Variants in SGCD observed in about 807,000 individuals in gnomAD.
SGCD encodes the protein delta-sarcoglycan.
A neutral mutation model predicts 36.6 loss-of-function variants in SGCD; 18 were observed. That is an observed-to-expected ratio of 0.49 (90% CI 0.34 to 0.73). The LOEUF is 0.73. Among genes scored for constraint, SGCD ranks in the 30% least tolerant of loss-of-function variants. The pLI is 0.01. For synonymous variants in SGCD, 133 were observed against 130.6 expected, an observed-to-expected ratio of 1.02 and a Z score of -0.12; for missense variants, 387 against 346.7, an observed-to-expected ratio of 1.12 and a Z score of -0.92.
chr5:156,343,698 T>C (rs185468278), intron 2 of SGCD, among the ~76,000 whole-genome samples: 154 of 152,344 alleles, frequency 1.0e-3, no homozygotes, highest in African/African-American at 3.5e-3. Context: ...TATAATATAT[T>C]GACAAATCCT....
intron 3 of SGCD, among the ~76,000 whole-genome samples, chr5:156,395,546 T>C (rs1320464560): frequency 6.8e-6 from 1 of 148,100 alleles, no homozygotes; most frequent in African/African-American, 2.4e-5. Flanking sequence ...GGAAGGTTGC[T>C]GCATTTTGTG....
the SGCD span, among the ~76,000 whole-genome samples, chr5:155,829,365 T>A: frequency 6.6e-6 from 1 of 152,164 alleles, no homozygotes; most frequent in East Asian, 1.9e-4. Flanking sequence ...TAAGATACCT[T>A]CTTTTGTGAA....
intron 7 of SGCD, among the ~76,000 whole-genome samples, chr5:156,688,616 C>T (rs1753995283): frequency 6.6e-6 from 1 of 152,138 alleles, no homozygotes; most frequent in Non-Finnish European, 1.5e-5. Flanking sequence ...ATCCTGGGAA[C>T]CAGCAGAGTC....
intron 4 of SGCD, among the ~76,000 whole-genome samples, chr5:156,515,128 T>C (rs974719384): frequency 1.3e-5 from 2 of 152,180 alleles, no homozygotes; most frequent in African/African-American, 4.8e-5. Context: ...TTAAAATTTT[T>C]CCTTTGCTGT....
At chr5:156,730,408 G>C (rs1293203374) in intron 7 of SGCD, among the ~76,000 whole-genome samples, 1 of 152,060 alleles carries the variant, frequency 6.6e-6, no homozygotes, top group Admixed American at 6.6e-5. Context: ...AGTGCATGTT[G>C]TTCCCCTGTA....
chr5:156,087,944 T>C (rs1274181610), intron 1 of SGCD, among the ~76,000 whole-genome samples: 1 of 152,198 alleles, frequency 6.6e-6, no homozygotes, highest in Admixed American at 6.5e-5. Flanking sequence ...CACTGTACAG[T>C]GTCCTGGCCA....
chr5:156,655,149 A>G (rs183595282), intron 7 of SGCD, among the ~76,000 whole-genome samples: 1 of 152,274 alleles, frequency 6.6e-6, no homozygotes, highest in Non-Finnish European at 1.5e-5. Flanking sequence ...AAAGACCACA[A>G]CTTATTTAGA....
chr5:156,323,446 A>AAAAGGATAATGTAGGAATC (rs1767724463), upstream of SGCD, among the ~76,000 whole-genome samples: 1 of 152,202 alleles, frequency 6.6e-6, no homozygotes, highest in African/African-American at 2.4e-5. Flanking sequence ...ATATCCTTTG[A>AAAAGGATAATGTAGGAATC]AAAGGATAAT....
chr5:156,013,333 T>C (rs2127571349), intron 1 of SGCD, among the ~76,000 whole-genome samples: 1 of 152,324 alleles, frequency 6.6e-6, no homozygotes, highest in East Asian at 1.9e-4. Flanking sequence ...CCTAGGTGTT[T>C]TTGAAGTGTT....
chr5:156,065,491 TG>T (rs1278888257), intron 1 of SGCD, among the ~76,000 whole-genome samples: 1 of 94,136 alleles, frequency 1.1e-5, no homozygotes. Context: ...TGGGTATCCT[TG>T]TTGACTTTCT....
the SGCD span, among the ~76,000 whole-genome samples, chr5:155,813,609 C>A: frequency 6.6e-6 from 1 of 152,270 alleles, no homozygotes; most frequent in Admixed American, 6.5e-5. Context: ...TTGAGTTTGG[C>A]ATCCTGCTTG....
intron 6 of SGCD, among the ~76,000 whole-genome samples, chr5:156,637,491 G>C (rs1255438578): frequency 6.6e-6 from 1 of 152,128 alleles, no homozygotes; most frequent in Non-Finnish European, 1.5e-5. Context: ...CTGATATTCA[G>C]ATAAAAACAC....
chr5:156,050,019 A>G (rs934693954), intron 1 of SGCD, among the ~76,000 whole-genome samples: 3 of 146,962 alleles, frequency 2.0e-5, no homozygotes, highest in African/African-American at 4.9e-5. Flanking sequence ...GATGCTATGA[A>G]CATTGTTGAA....
intron 1 of SGCD, among the ~76,000 whole-genome samples, chr5:155,979,293 A>G (rs1758180743): frequency 6.6e-6 from 1 of 152,232 alleles, no homozygotes; most frequent in Non-Finnish European, 1.5e-5. Context: ...TGAACTCTGT[A>G]TCAGAGATAT....
chr5:155,872,975 T>G (rs969038726), intron 1 of SGCD, among the ~76,000 whole-genome samples: 29 of 152,198 alleles, frequency 1.9e-4, no homozygotes, highest in African/African-American at 6.8e-4. Context: ...GGATATCCTC[T>G]TCACAGAAGC....
At chr5:155,788,338 G>A in the SGCD span, among the ~76,000 whole-genome samples, 1 of 152,152 alleles carries the variant, frequency 6.6e-6, no homozygotes, top group Non-Finnish European at 1.5e-5. Context: ...GTCTTGGAGA[G>A]ACAGGAAGAA....
chr5:156,450,817 G>A (rs1753975659), intron 3 of SGCD, among the ~76,000 whole-genome samples: 1 of 151,996 alleles, frequency 6.6e-6, no homozygotes, highest in African/African-American at 2.4e-5. Context: ...GTGTGTGTTT[G>A]TATGTATGTG....
intron 3 of SGCD, among the ~76,000 whole-genome samples, chr5:156,311,136 T>A (rs1294419144): frequency 6.6e-6 from 1 of 152,230 alleles, no homozygotes; most frequent in Non-Finnish European, 1.5e-5. Flanking sequence ...AAAGTGGTTT[T>A]TACCAACTAT....
At chr5:156,541,835 T>G (rs1758358883) in intron 4 of SGCD, among the ~76,000 whole-genome samples, 1 of 152,196 alleles carries the variant, frequency 6.6e-6, no homozygotes, top group African/African-American at 2.4e-5. Context: ...ACAAAGGTCG[T>G]AGCATTGGCA....
Sources: gnomAD v4.1 joint callset for allele counts (sites outside exome capture counted in the v4.1 genomes callset) on GRCh38, gnomAD v4.1.1 for gene constraint, MANE v1.5 for transcripts, NCBI Gene and HGNC (gene_info 2026-07-23, HGNC 2026-07-21) for gene names.